Variants in MYO6 observed in about 807,000 individuals in gnomAD.
MYO6 encodes unconventional myosin-VI.
A neutral mutation model predicts 178.7 loss-of-function variants in MYO6; 74 were observed. The observed-to-expected ratio is 0.41, with a 90% CI of 0.34 to 0.50. The LOEUF is 0.50. Among genes scored for constraint, MYO6 ranks in the 20% least tolerant of loss-of-function variants. MYO6 has a pLI of 0.09. For synonymous variants in MYO6, 477 were observed against 504.6 expected (o/e 0.95, Z 0.73); for missense variants, 1,330 against 1,547.4 (o/e 0.86, Z 2.36).
intron 28 of MYO6, chr6:75,894,777 T>C (rs1376005095): frequency 1.4e-6 from 2 of 1,459,252 alleles, no homozygotes; most frequent in East Asian, 2.5e-5. Flanking sequence ...TATAGATAGA[T>C]TCTGCTTCAA....
Position 75,779,144 on chromosome 6 carries a change from C to A in MYO6, c.-48+29721C>A, listed in dbSNP as rs1020457482. ...CAGCTCATGACCTCAAGTGATCCTT[C>A]CATCTTGGCCTCCCAAAGTGCTGGG... On this transcript the variant is annotated intron_variant, in intron 1 of 34. Coordinates refer to ENST00000369977, the MANE Select transcript of MYO6 (RefSeq NM_004999.4). Among the ~76,000 whole-genome samples, 5 of 151,372 alleles carry A rather than the reference C, an allele frequency of 3.3e-5. No individual in the cohort carries two copies. In the South Asian group the frequency reaches 8.4e-4, roughly 25 times the overall value.
chr6:75,778,662 A>G (rs946059115), intron 1 of MYO6, among the ~76,000 whole-genome samples: 1 of 152,186 alleles, frequency 6.6e-6, no homozygotes, highest in Non-Finnish European at 1.5e-5. Flanking sequence ...AGGCATTGAA[A>G]GTGAACCAGA....
chr6:75,801,336 A>G (rs1769430593), intron 1 of MYO6, among the ~76,000 whole-genome samples: 1 of 150,576 alleles, frequency 6.6e-6, no homozygotes, highest in Non-Finnish European at 1.5e-5. Context: ...ACGAGAGGAG[A>G]GGAGGAGGAG....
In MYO6 at chr6:75,826,013, A is replaced by G. The variant is rs72654780; in HGVS notation, c.188-2527A>G. Among the ~76,000 whole-genome samples the G allele has an allele frequency of 0.013, 2,000 of 152,324 alleles. 74 individuals carry two copies. In the East Asian group the frequency reaches 0.15, roughly 11 times the overall value. On this transcript the variant is annotated intron_variant, in intron 3 of 34. Transcript: ENST00000369977. ...TAGGCATAAAAGGTAAACAGTTTAC[A>G]TAAAGAGTTGCATGTAAATAGCCAA...
intron 11 of MYO6, among the ~76,000 whole-genome samples, chr6:75,852,444 C>T (rs1277812258): frequency 6.6e-6 from 1 of 151,970 alleles, no homozygotes; most frequent in Admixed American, 6.5e-5. Flanking sequence ...CAACCATCAC[C>T]ATAGATTTAG....
intron 11 of MYO6, among the ~76,000 whole-genome samples, chr6:75,849,744 A>C (rs1397994117): frequency 1.3e-5 from 2 of 152,212 alleles, no homozygotes; most frequent in Admixed American, 6.5e-5. Context: ...TGCAGGGGGA[A>C]GATGTTACCA....
chr6:75,895,269 C>T lies in MYO6; in HGVS notation c.3137+9C>T. ...AGACCCAAAATGACACCGTATGTCACTTACCTTTACCTTTTTAAAAATAGG... is the reference window on the plus strand; with the variant it reads ...AGACCCAAAATGACACCGTATGTCATTTACCTTTACCTTTTTAAAAATAGG... On this transcript the variant is annotated intron_variant, in intron 29 of 34. Transcript: ENST00000369977. The T allele has an allele frequency of 6.2e-7, 1 of 1,601,798 alleles. No homozygotes were observed. Among genetic ancestry groups the T allele is most frequent in the Non-Finnish European group, 8.5e-7 (1 of 1,169,688 alleles).
intron 30 of MYO6, among the ~76,000 whole-genome samples, chr6:75,902,076 C>T (rs1779826576): frequency 2.0e-5 from 3 of 152,074 alleles, no homozygotes; most frequent in African/African-American, 7.2e-5. Context: ...GGATGAAGCC[C>T]ACTTGATCAT....
intron 23 of MYO6, among the ~76,000 whole-genome samples, chr6:75,883,364 A>G (rs781516678): frequency 2.0e-5 from 3 of 152,174 alleles, no homozygotes; most frequent in Non-Finnish European, 2.9e-5. Context: ...GTCATTAACT[A>G]TATTTTGAAG....
intron 7 of MYO6, among the ~76,000 whole-genome samples, chr6:75,836,781 C>T: frequency 6.6e-6 from 1 of 152,036 alleles, no homozygotes; most frequent in East Asian, 1.9e-4. Context: ...TGGGGTTTCA[C>T]CATGTTGGCC....
At chr6:75,819,582 T>A (rs1771671834) in intron 2 of MYO6, among the ~76,000 whole-genome samples, 1 of 152,232 alleles carries the variant, frequency 6.6e-6, no homozygotes, top group East Asian at 1.9e-4. Flanking sequence ...AGATTTCACA[T>A]TGCATTAGCT....
intron 13 of MYO6, among the ~76,000 whole-genome samples, chr6:75,857,941 T>G (rs1775862263): frequency 6.6e-6 from 1 of 152,330 alleles, no homozygotes; most frequent in East Asian, 1.9e-4. Context: ...GTGTCTTCTT[T>G]GTGGTTTTTG....
At chr6:75,868,223 A>G (rs1776854538) in intron 18 of MYO6, among the ~76,000 whole-genome samples, 1 of 151,822 alleles carries the variant, frequency 6.6e-6, no homozygotes. Flanking sequence ...ACCTCATAAT[A>G]CATTTTTAGG....
At chr6:75,832,768 C>A in intron 5 of MYO6, 74 bp from the exon 6 acceptor site, 2 of 885,872 alleles carry the variant, frequency 2.3e-6, no homozygotes, top group Non-Finnish European at 3.7e-6. Context: ...AGTAAGTGGT[C>A]CTAAAGTGAA....
At chr6:75,803,229 G>A (rs898807282) in intron 1 of MYO6, among the ~76,000 whole-genome samples, 1 of 151,398 alleles carries the variant, frequency 6.6e-6, no homozygotes, top group Non-Finnish European at 1.5e-5. Context: ...TCCAAATCAC[G>A]TATTTTAAAA....
intron 30 of MYO6, among the ~76,000 whole-genome samples, chr6:75,903,803 A>T (rs538458336): frequency 1.4e-4 from 21 of 150,586 alleles, no homozygotes; most frequent in African/African-American, 5.1e-4. Context: ...TAGTTAGTTG[A>T]TGCAGTTTCT....
chr6:75,890,372 G>C, intron 26 of MYO6, 107 bp downstream of exon 26: 1 of 1,480,382 alleles, frequency 6.8e-7, no homozygotes, highest in Non-Finnish European at 9.2e-7. Context: ...TTTGTGACAG[G>C]GTCTTGCTCT....
At chr6:75,893,757 A>G (rs1278745173) in intron 28 of MYO6, among the ~76,000 whole-genome samples, 2 of 152,212 alleles carry the variant, frequency 1.3e-5, no homozygotes, top group Admixed American at 6.5e-5. Flanking sequence ...TATATTGTAA[A>G]TGAACTGAAT....
intron 20 of MYO6, among the ~76,000 whole-genome samples, chr6:75,877,094 C>A (rs1371447288): frequency 6.6e-6 from 1 of 152,074 alleles, no homozygotes; most frequent in African/African-American, 2.4e-5. Flanking sequence ...TCTCCTGCCT[C>A]AGCCTCCCAA....
Sources: gnomAD v4.1 joint callset for allele counts (sites outside exome capture counted in the v4.1 genomes callset) on GRCh38, gnomAD v4.1.1 for gene constraint, MANE v1.5 for transcripts, NCBI Gene and HGNC (gene_info 2026-07-23, HGNC 2026-07-21) for gene names.